ACRBP: variants seen among roughly 807,000 people sequenced by gnomAD.
The protein encoded by ACRBP is acrosin binding protein.
A neutral mutation model predicts 69.0 loss-of-function variants in ACRBP; 52 were observed. The observed-to-expected ratio is 0.75, with a 90% CI of 0.60 to 0.95. The LOEUF (loss-of-function observed/expected upper bound fraction) is 0.95, where lower values mean the gene tolerates loss of function less well. ACRBP is among the 40% of genes least tolerant of loss of function. The probability of loss-of-function intolerance (pLI) is 0.00; values close to 1 mark genes in which losing one functional copy is unlikely to be tolerated. For missense variants in ACRBP, 604 were observed against 673.0 expected, an observed-to-expected ratio of 0.90 and a Z score of 1.13; for synonymous variants, 267 against 258.9, an observed-to-expected ratio of 1.03 and a Z score of -0.30.
At chr12:6,642,988 A>C (rs1949063633) in intron 6 of ACRBP, among the ~76,000 whole-genome samples, 1 of 152,194 alleles carries the variant, frequency 6.6e-6, no homozygotes, top group Non-Finnish European at 1.5e-5. Context: ...ATGGTGGCTC[A>C]TGCCTGTAAT....
chr12:6,640,668 C>G lies in ACRBP; in HGVS notation c.1078-146G>C. 1 of 847,522 alleles carries G rather than the reference C, an allele frequency of 1.2e-6. No individual in the cohort carries two copies. The highest frequency in any genetic ancestry group is 1.8e-6 in the Non-Finnish European group (1 of 558,888). 52.5% of individuals were successfully genotyped at this position (847,522 alleles called of 1,614,324 possible). On this transcript the variant is annotated intron_variant, in intron 6 of 9. Coordinates refer to ENST00000229243, the MANE Select transcript of ACRBP (RefSeq NM_032489.3). The surrounding 1 kb of genome is among the most constrained non-coding windows in gnomAD (Gnocchi z 5.3). ...CTCTGGGTTTTCTACTTGGCCTCCT[C>G]CCCAAGGGTTCCTCAAGGACCTTGC...
chr12:6,646,787 C>T lies in ACRBP; in HGVS notation c.262+7G>A. ...TGCCTCGGTTTCCCCCCTAGTCTGG[C>T]CCTCACCATCGGGCACTAAGCCGTG... On this transcript the variant is annotated splice_region_variant and intron_variant, in intron 2 of 9. Transcript: ENST00000229243. The T allele has an allele frequency of 3.1e-6, 5 of 1,613,616 alleles. No homozygotes were observed. The South Asian group carries it at 5.5e-5, about 18-fold the overall frequency.
chr12:6,641,746 T>C (rs1157683681), intron 6 of ACRBP, among the ~76,000 whole-genome samples: 4 of 152,166 alleles, frequency 2.6e-5, no homozygotes, highest in Admixed American at 2.0e-4. Context: ...ATTTCACTCA[T>C]GAAATTTCTA....
chr12:6,643,851 C>T (rs975333174), intron 5 of ACRBP, among the ~76,000 whole-genome samples, 180 bp from the exon 6 acceptor site: 6 of 152,128 alleles, frequency 3.9e-5, no homozygotes, highest in African/African-American at 1.4e-4. Context: ...ACTGAGGACC[C>T]GAAAGGAGAA....
Position 6,640,404 on chromosome 12 carries a change from G to A in ACRBP, c.1196C>T (p.Ser399Phe). ...ASLQRQQCDT[S>F]HKTPFVSPLL... ...GGGGCTGACAAAGGGAGTCTTGTGG[G>A]AGGTGTCGCATTGTTGCCGCTGCAG... Residue 399 changes from serine (S) to phenylalanine (F), a missense_variant, in exon 7 of 10, where the codon TCC becomes TTC. Ser to Phe is a radical substitution (Grantham distance 155, BLOSUM62 -2). Around this residue, in one of 3 missense-constraint regions of ACRBP, gnomAD observed 532 missense variants for 562.9 expected, o/e 0.95. Coordinates refer to ENST00000229243, the MANE Select transcript of ACRBP (RefSeq NM_032489.3). The surrounding 1 kb of genome is among the most constrained non-coding windows in gnomAD (Gnocchi z 5.3). 4 of 1,614,216 alleles carry A rather than the reference G, an allele frequency of 2.5e-6. No homozygotes were observed. Among genetic ancestry groups the A allele is most frequent in the Non-Finnish European group, 3.4e-6 (4 of 1,180,046 alleles).
In ACRBP at chr12:6,640,074, C is replaced by T; in HGVS notation, c.1411G>A (p.Asp471Asn). ...AAGGTTCTAACCTTGGTAGGGAAAT[C>T]CCCATCCTGGAAGCTAAGGAACTCA... ...QTEFLSFQDGDFPTKICDTDY... is the reference protein window; with the variant it reads ...QTEFLSFQDGNFPTKICDTDY... Residue 471 changes from aspartate to asparagine, a missense_variant, in exon 8 of 10, where the codon GAT becomes AAT. Asp to Asn is a conservative substitution (Grantham distance 23, BLOSUM62 1). This residue lies in a region of ACRBP where 21 missense variants were observed against 50.0 expected (regional missense o/e 0.42). Coordinates refer to ENST00000229243, the MANE Select transcript of ACRBP (RefSeq NM_032489.3). This position sits in a 1 kb window ranked among gnomAD's most constrained non-coding sequence, Gnocchi z 5.3. 6.2e-7 allele frequency: 1 copy of T among 1,614,156 alleles called. No individual in the cohort carries two copies. The highest frequency in any genetic ancestry group is 8.5e-7 in the Non-Finnish European group (1 of 1,180,018).
intron 3 of ACRBP, 83 bp downstream of exon 3, chr12:6,646,400 T>G: frequency 1.5e-6 from 2 of 1,296,210 alleles, no homozygotes; most frequent in Non-Finnish European, 2.2e-6. Flanking sequence ...ATGACTCTCC[T>G]GGAACCCTTC....
rs1363872023 is a variant in ACRBP at position 6,647,324 on chromosome 12, C to G, written c.43G>C (p.Val15Leu). The change falls in exon 1 of 10, where the codon GTG becomes CTG. Residue 15 changes from valine (V) to leucine (L), a missense_variant and splice_region_variant. Val to Leu is a conservative substitution (Grantham distance 32). Transcript: ENST00000229243. Reference sequence around the variant, plus strand: ...GTTGGAGCAGGTGTAAACCTCTCACCCTTCAGGAGTGAGGGAAGGAAGCCA... The same window carrying G: ...GTTGGAGCAGGTGTAAACCTCTCACGCTTCAGGAGTGAGGGAAGGAAGCCA... ...AAGFLPSLLKVLLLPLAPAAA... is the reference protein window; with the variant it reads ...AAGFLPSLLKLLLLPLAPAAA... 2 of 1,551,838 alleles carry G rather than the reference C, an allele frequency of 1.3e-6. No individual in the cohort carries two copies. The highest frequency in any genetic ancestry group is 2.8e-5 in the African/African-American group (2 of 72,672).
At chr12:6,643,510 G>A (rs1592307524) in intron 6 of ACRBP, 29 bp downstream of exon 6, 2 of 1,612,662 alleles carry the variant, frequency 1.2e-6, no homozygotes, top group East Asian at 2.2e-5. Context: ...CCAGTGGCAT[G>A]TATCCATTAG....
intron 6 of ACRBP, 63 bp downstream of exon 6, chr12:6,643,476 C>T: frequency 6.3e-7 from 1 of 1,599,836 alleles, no homozygotes; most frequent in Non-Finnish European, 8.5e-7. Flanking sequence ...CATAGCCTAG[C>T]ACAGTGCCTG....
intron 9 of ACRBP, 51 bp downstream of exon 9, chr12:6,638,903 G>T: frequency 6.2e-7 from 1 of 1,603,706 alleles, no homozygotes; most frequent in South Asian, 1.1e-5. Context: ...CAGTTATGGT[G>T]ACTGATTGAG....
In ACRBP at chr12:6,647,017, G is replaced by A. The variant is rs753789496; in HGVS notation, c.44-5C>T. 17 of 1,607,374 alleles carry A rather than the reference G, an allele frequency of 1.1e-5. No homozygotes were observed. The highest frequency in any genetic ancestry group is 6.7e-5 in the East Asian group (3 of 44,878). ...GTGCCAGAGGCAGGAGCAGCACTGC[G>A]GAGCGGGCGAACGGATGATGGAAGG... On this transcript the variant is annotated splice_polypyrimidine_tract_variant and splice_region_variant and intron_variant, in intron 1 of 9. Transcript: ENST00000229243.
At chr12:6,639,977 A>T in intron 8 of ACRBP, 83 bp downstream of exon 8, 1 of 1,509,030 alleles carries the variant, frequency 6.6e-7, no homozygotes, top group Non-Finnish European at 8.9e-7. Context: ...CCCCTTCCAC[A>T]AACTAGCGCT....
rs988263912 is a variant in ACRBP, at chr12:6,647,370, C to T, written c.-4G>A. 6.5e-7 allele frequency: 1 copy of T among 1,532,768 alleles called. No homozygotes were observed. The allele number at this position is 1,532,768 out of a possible 1,614,324, so 94.9% of individuals were successfully genotyped here. A position where few individuals can be genotyped will look rare whatever the true frequency, so the allele number is the denominator to read the frequency against. ...AGCCAGCGGCTGGCTTCCTCATGGC[C>T]GGAGAAGATCCGCCCGCGTCCCGTG... On this transcript the variant is annotated 5_prime_UTR_variant, in exon 1 of 10. Coordinates refer to ENST00000229243, the MANE Select transcript of ACRBP (RefSeq NM_032489.3).
Position 6,640,047 on chromosome 12 carries a change from G to GA in ACRBP, c.1425+12dup, listed in dbSNP as rs1197856452. 18 of 1,613,842 alleles carry GA rather than the reference G, an allele frequency of 1.1e-5. No homozygotes were observed. The highest frequency in any genetic ancestry group is 1.4e-5 in the Non-Finnish European group (17 of 1,179,910). On this transcript the variant is annotated intron_variant, in intron 8 of 9. Transcript: ENST00000229243. This position sits in a 1 kb window ranked among gnomAD's most constrained non-coding sequence, Gnocchi z 5.3. ...GGTAGGGATGGGGCTGAGCTTTGGGGAAAGGTTCTAACCTTGGTAGGGAAA... is the reference window on the plus strand; with the variant it reads ...GGTAGGGATGGGGCTGAGCTTTGGGGAAAAGGTTCTAACCTTGGTAGGGAAA...
chr12:6,639,573 T>TA (rs901785462), intron 8 of ACRBP, among the ~76,000 whole-genome samples: 2 of 152,192 alleles, frequency 1.3e-5, no homozygotes, highest in African/African-American at 4.8e-5. Flanking sequence ...GGCCTGGATC[T>TA]AAAACAACAG....
chr12:6,641,484 T>C (rs970484520), intron 6 of ACRBP, among the ~76,000 whole-genome samples: 8 of 152,226 alleles, frequency 5.3e-5, no homozygotes, highest in African/African-American at 1.4e-4. Flanking sequence ...TTTTGCGTCA[T>C]GACCCTGTTG....
rs372480201 is a variant in ACRBP, at chr12:6,640,260, C to T, written c.1258-33G>A. On this transcript the variant is annotated intron_variant, in intron 7 of 9. Coordinates refer to ENST00000229243, the MANE Select transcript of ACRBP (RefSeq NM_032489.3). The surrounding 1 kb of genome is among the most constrained non-coding windows in gnomAD (Gnocchi z 5.3). Reference sequence around the variant, plus strand: ...ACAGGAGATAGGGGAGAGGTGCGTGCCCCTCCCCACCTGCTGGCCACCACC... The same window carrying T: ...ACAGGAGATAGGGGAGAGGTGCGTGTCCCTCCCCACCTGCTGGCCACCACC... The T allele has an allele frequency of 9.0e-5, 145 of 1,612,990 alleles. 1 individual carries two copies. In the African/African-American group the frequency reaches 1.9e-3, roughly 21 times the overall value.
chr12:6,640,205 C>G lies in ACRBP; in HGVS notation c.1280G>C (p.Arg427Pro). 1 of 1,614,146 alleles carries G rather than the reference C, an allele frequency of 6.2e-7. No homozygotes were observed. The highest frequency in any genetic ancestry group is 8.5e-7 in the Non-Finnish European group (1 of 1,180,030). ...GNQVGSPESG[R>P]FYGLDLYGGL... Reference sequence around the variant, plus strand: ...ACCGTACAAATCCAGCCCGTAAAAGCGGCCTGATTCTGGGGACCCTACCTG... The same window carrying G: ...ACCGTACAAATCCAGCCCGTAAAAGGGGCCTGATTCTGGGGACCCTACCTG... The change falls in exon 8 of 10, where the codon CGC becomes CCC. Residue 427 changes from arginine (R) to proline (P), a missense_variant. Around this residue, in one of 3 missense-constraint regions of ACRBP, gnomAD observed 532 missense variants for 562.9 expected, o/e 0.95. Coordinates refer to ENST00000229243, the MANE Select transcript of ACRBP (RefSeq NM_032489.3). The surrounding 1 kb of genome is among the most constrained non-coding windows in gnomAD (Gnocchi z 5.3).
Sources: allele counts gnomAD v4.1 joint callset (sites outside exome capture counted in the v4.1 genomes callset), GRCh38; gene constraint gnomAD v4.1.1; regional missense constraint gnomAD v4.1.1; non-coding constraint Gnocchi (gnomAD v3.1); transcripts MANE v1.5; gene names NCBI Gene and HGNC (gene_info 2026-07-23, HGNC 2026-07-21).